LHFPL4: variants seen among roughly 807,000 people sequenced by gnomAD.
The protein encoded by LHFPL4 is LHFPL tetraspan subfamily member 4.
LHFPL4 carries 6 observed loss-of-function variants against 20.0 expected under a neutral mutation model. That is an observed-to-expected ratio of 0.30 (90% CI 0.16 to 0.59). The LOEUF is 0.59. Among genes scored for constraint, LHFPL4 ranks in the 20% least tolerant of loss-of-function variants. The pLI, the probability that LHFPL4 is intolerant of heterozygous loss-of-function variation, is 0.88. For synonymous variants in LHFPL4, 129 were observed against 143.8 expected, an observed-to-expected ratio of 0.90 and a Z score of 0.74; for missense variants, 215 against 331.2, an observed-to-expected ratio of 0.65 and a Z score of 2.72.
Position 9,552,325 on chromosome 3 carries a change from A to C in LHFPL4, c.355T>G (p.Cys119Gly), listed in dbSNP as rs1462424545. The change falls in exon 2 of 4, where the codon TGC (cysteine) becomes GGC (glycine). Residue 119 changes from cysteine (C) to glycine (G), a missense_variant. This residue lies in a region of LHFPL4 where 164 missense variants were observed against 286.7 expected (regional missense o/e 0.57). Coordinates refer to ENST00000287585, the MANE Select transcript of LHFPL4 (RefSeq NM_198560.3). Reference protein sequence around the residue: ...CITCFSLFFFCNTATVYKICA... With the variant: ...CITCFSLFFFGNTATVYKICA... ...ATCTTGTAGACCGTAGCCGTGTTGC[A>C]GAAGAAGAAAAGCGAAAAGCAGGTG... The C allele has an allele frequency of 1.2e-6, 2 of 1,613,606 alleles. No individual in the cohort carries two copies. The highest frequency in any genetic ancestry group is 1.7e-6 in the Non-Finnish European group (2 of 1,179,868).
chr3:9,507,366 G>T (rs759302197), intron 2 of LHFPL4, among the ~76,000 whole-genome samples: 1 of 152,158 alleles, frequency 6.6e-6, no homozygotes, highest in Non-Finnish European at 1.5e-5. Flanking sequence ...TTCTAGATAT[G>T]CCACACTGAG....
rs1413512703 is a variant in LHFPL4, at chr3:9,552,733, G to T, written c.-54C>A. 4.5e-6 allele frequency: 5 copies of T among 1,101,056 alleles called. No individual in the cohort carries two copies. In the African/African-American group the frequency reaches 8.4e-5, roughly 18 times the overall value. The allele number at this position is 1,101,056 out of a possible 1,614,324, so 68.2% of individuals were successfully genotyped here. A position where few individuals can be genotyped will look rare whatever the true frequency, so the allele number is the denominator to read the frequency against. On this transcript the variant is annotated 5_prime_UTR_variant, in exon 2 of 4. Transcript: ENST00000287585. Reference sequence around the variant, plus strand: ...GGCGGCTGGCGGGGGCCGCCGGCCCGGGACGGAGCGCCGGGCTGCCGGGCG... The same window carrying T: ...GGCGGCTGGCGGGGGCCGCCGGCCCTGGACGGAGCGCCGGGCTGCCGGGCG...
Position 9,543,729 on chromosome 3 carries a change from G to GTTTTT in LHFPL4, c.406+8540_406+8544dup, listed in dbSNP as rs58872967. ...GGTGATTTGTTTGTTTTTGGTTTTG[G>GTTTTT]TTTTTTTTTTTTTTTTTTTGAGTCA... On this transcript the variant is annotated intron_variant, in intron 2 of 3. Transcript: ENST00000287585. 1.1e-3 allele frequency among the ~76,000 whole-genome samples: 131 copies of GTTTTT among 119,646 alleles called. 7 individuals carry two copies. The highest frequency in any genetic ancestry group is 9.0e-3 in the Middle Eastern group (2 of 222). The allele number at this position is 119,646 out of a possible 152,430, so 78.5% of individuals were successfully genotyped here. A position where few individuals can be genotyped will look rare whatever the true frequency, so the allele number is the denominator to read the frequency against.
Position 9,506,333 on chromosome 3 carries a change from A to T in LHFPL4, c.407-130T>A. 4.3e-6 allele frequency: 3 copies of T among 692,504 alleles called. No individual in the cohort carries two copies. The highest frequency in any genetic ancestry group is 1.8e-5 in the African/African-American group (1 of 56,954). 42.9% of individuals were successfully genotyped at this position (692,504 alleles called of 1,614,324 possible). A position where few individuals can be genotyped will look rare whatever the true frequency, so the allele number is the denominator to read the frequency against. ...CAACCCAACCACGTGCTTGTTACCC[A>T]CTTCCACAGAGGGAGAAAGAGAGGG... On this transcript the variant is annotated intron_variant, in intron 2 of 3. Coordinates refer to ENST00000287585, the MANE Select transcript of LHFPL4 (RefSeq NM_198560.3). The surrounding 1 kb of genome is among the most constrained non-coding windows in gnomAD (Gnocchi z 4.5).
intron 2 of LHFPL4, among the ~76,000 whole-genome samples, chr3:9,522,385 A>G (rs1400862261): frequency 6.6e-6 from 1 of 152,172 alleles, no homozygotes; most frequent in Non-Finnish European, 1.5e-5. Flanking sequence ...GTATGTGTAT[A>G]ATTGAAAACA....
intron 2 of LHFPL4, among the ~76,000 whole-genome samples, chr3:9,531,815 G>GAAAAA (rs941415816): frequency 6.6e-6 from 1 of 151,482 alleles, no homozygotes; most frequent in African/African-American, 2.4e-5. Context: ...GAAAAGAAAA[G>GAAAAA]AAAAGAAAAG....
At chr3:9,509,114 G>C (rs2046240234) in intron 2 of LHFPL4, among the ~76,000 whole-genome samples, 1 of 152,186 alleles carries the variant, frequency 6.6e-6, no homozygotes, top group South Asian at 2.1e-4. Context: ...CGCAACCTGA[G>C]CACTGAGGCC....
At chr3:9,514,957 G>T (rs147728924) in intron 2 of LHFPL4, among the ~76,000 whole-genome samples, 219 of 152,314 alleles carry the variant, frequency 1.4e-3, no homozygotes, top group Middle Eastern at 6.8e-3. Context: ...TAAAGCTGAT[G>T]TAAATATCTA....
At chr3:9,516,929 G>A (rs1023406613) in intron 2 of LHFPL4, among the ~76,000 whole-genome samples, 3 of 151,402 alleles carry the variant, frequency 2.0e-5, no homozygotes, top group African/African-American at 4.9e-5. Flanking sequence ...AGGGGAGCCC[G>A]CCACCACGCC....
intron 2 of LHFPL4, among the ~76,000 whole-genome samples, chr3:9,527,809 AACACAC>A (rs58489008): frequency 4.5e-4 from 65 of 143,280 alleles, no homozygotes; most frequent in African/African-American, 8.6e-4. Flanking sequence ...TTCAAATACA[AACACAC>A]ACACACACAC....
chr3:9,545,106 A>G (rs940574258), intron 2 of LHFPL4, among the ~76,000 whole-genome samples: 12 of 152,164 alleles, frequency 7.9e-5, no homozygotes, highest in Non-Finnish European at 1.5e-4. Context: ...AAACACAAGA[A>G]GAGGGGTGGG....
At chr3:9,531,458 G>A (rs1005955253) in intron 2 of LHFPL4, among the ~76,000 whole-genome samples, 24 of 152,232 alleles carry the variant, frequency 1.6e-4, no homozygotes, top group African/African-American at 4.1e-4. Context: ...TTACCTCTGA[G>A]AAGTAGCCTG....
At chr3:9,540,080 C>A (rs2046468090) in intron 2 of LHFPL4, among the ~76,000 whole-genome samples, 1 of 152,148 alleles carries the variant, frequency 6.6e-6, no homozygotes, top group East Asian at 1.9e-4. Flanking sequence ...ACCACTTAAC[C>A]AGCAATTCCC....
intron 2 of LHFPL4, among the ~76,000 whole-genome samples, chr3:9,544,547 C>T (rs2046499657): frequency 2.0e-5 from 3 of 152,266 alleles, no homozygotes; most frequent in Middle Eastern, 3.4e-3. Flanking sequence ...ATTGCGTGAA[C>T]CCGGGAGGCA....
intron 2 of LHFPL4, among the ~76,000 whole-genome samples, chr3:9,533,844 AC>A (rs1437841222): frequency 6.6e-6 from 1 of 151,618 alleles, no homozygotes; most frequent in Non-Finnish European, 1.5e-5. Context: ...GAGGTTTATG[AC>A]CTAGGTGCTT....
intron 3 of LHFPL4, among the ~76,000 whole-genome samples, chr3:9,505,678 C>G (rs193212241): frequency 6.6e-6 from 1 of 152,310 alleles, no homozygotes; most frequent in African/African-American, 2.4e-5. Context: ...CCCGCCTCGG[C>G]CTCCCAAAGT....
At chr3:9,515,608 G>A (rs1298011282) in intron 2 of LHFPL4, among the ~76,000 whole-genome samples, 1 of 151,834 alleles carries the variant, frequency 6.6e-6, no homozygotes, top group Non-Finnish European at 1.5e-5. Context: ...TTGACCACAG[G>A]TGATCTGACT....
intron 2 of LHFPL4, among the ~76,000 whole-genome samples, chr3:9,516,380 AT>A (rs1410410167): frequency 3.3e-5 from 5 of 152,168 alleles, no homozygotes; most frequent in Non-Finnish European, 5.9e-5. Context: ...TTTGTCAAAG[AT>A]CAACTGACTG....
At chr3:9,533,713 C>T (rs1461659465) in intron 2 of LHFPL4, among the ~76,000 whole-genome samples, 1 of 152,010 alleles carries the variant, frequency 6.6e-6, no homozygotes, top group South Asian at 2.1e-4. Context: ...ACCTGGGAAG[C>T]GGAGCTTGCA....
Sources: gnomAD v4.1 joint callset for allele counts (sites outside exome capture counted in the v4.1 genomes callset) on GRCh38, gnomAD v4.1.1 for gene constraint, gnomAD v4.1.1 regional missense constraint, Gnocchi (gnomAD v3.1) non-coding constraint, MANE v1.5 for transcripts, NCBI Gene and HGNC (gene_info 2026-07-23, HGNC 2026-07-21) for gene names.